TCP11L2: variants seen among roughly 807,000 people sequenced by gnomAD.
TCP11L2 encodes the protein t-complex 11 like 2.
A neutral mutation model predicts 50.7 loss-of-function variants in TCP11L2; 39 were observed. That is an observed-to-expected ratio of 0.77 (90% confidence interval 0.60 to 1.01). The LOEUF (loss-of-function observed/expected upper bound fraction) is 1.01, where lower values mean the gene tolerates loss of function less well. Among genes scored for constraint, TCP11L2 ranks in the 50% least tolerant of loss-of-function variants. TCP11L2 has a pLI of 0.00. For synonymous variants in TCP11L2, 192 were observed against 219.3 expected (o/e 0.88, Z 1.10); for missense variants, 612 against 614.7 (o/e 1.00, Z 0.05).
At chr12:106,319,759 C>T (rs1023095309) in intron 4 of TCP11L2, among the ~76,000 whole-genome samples, 1 of 152,232 alleles carries the variant, frequency 6.6e-6, no homozygotes, top group African/African-American at 2.4e-5. Context: ...TCTGACTCAT[C>T]CAGGGTCACA....
At chr12:106,320,621 C>T (rs1329604460) in intron 4 of TCP11L2, among the ~76,000 whole-genome samples, 1 of 152,174 alleles carries the variant, frequency 6.6e-6, no homozygotes, top group African/African-American at 2.4e-5. Context: ...AGTGGAATGG[C>T]ATCCTGTCCA....
chr12:106,322,081 G>T (rs1379769435), intron 5 of TCP11L2, among the ~76,000 whole-genome samples: 2 of 152,184 alleles, frequency 1.3e-5, no homozygotes, highest in Non-Finnish European at 2.9e-5. Context: ...ATTTAGTCAA[G>T]GCTTCTTTAT....
intron 4 of TCP11L2, among the ~76,000 whole-genome samples, chr12:106,319,250 A>T (rs1174383101): frequency 6.6e-6 from 1 of 152,032 alleles, no homozygotes; most frequent in Non-Finnish European, 1.5e-5. Flanking sequence ...ATTCATGTGG[A>T]CCTCACCCTT....
At chr12:106,303,793 A>G (rs1304411947) in intron 1 of TCP11L2, 2 of 152,212 alleles carry the variant, frequency 1.3e-5, no homozygotes, top group African/African-American at 4.8e-5. Context: ...GCAAAAATCT[A>G]GTCAAGATAG....
chr12:106,329,207 A>G, intron 6 of TCP11L2: 1 of 1,202,690 alleles, frequency 8.3e-7, no homozygotes, highest in Non-Finnish European at 1.2e-6. Context: ...TCTCGAGTGC[A>G]GGGACTGTGC....
upstream of TCP11L2, among the ~76,000 whole-genome samples, chr12:106,302,229 G>T (rs769375872): frequency 7.2e-5 from 11 of 152,084 alleles, no homozygotes; most frequent in African/African-American, 1.2e-4. Flanking sequence ...ACGCCAGTGC[G>T]CCTGGAAGCC....
chr12:106,330,962 G>A (rs1565855557), intron 6 of TCP11L2, among the ~76,000 whole-genome samples: 1 of 152,174 alleles, frequency 6.6e-6, no homozygotes, highest in Non-Finnish European at 1.5e-5. Context: ...ATGAATTCAA[G>A]TATAAAACCT....
chr12:106,342,662 T>A (rs2036123800), intron 9 of TCP11L2, among the ~76,000 whole-genome samples: 1 of 152,188 alleles, frequency 6.6e-6, no homozygotes, highest in African/African-American at 2.4e-5. Flanking sequence ...TAATAAATAT[T>A]TGTGAAATGG....
rs759354761 is a variant in TCP11L2, at chr12:106,311,039, A to C, written c.-35-2A>C. ...TGACGCAGGGTCTGTTTGTCTGTGC[A>C]GGTGCTACCTTTTTACCCACACTTA... On this transcript the variant is annotated splice_acceptor_variant, in intron 1 of 9. Coordinates refer to ENST00000299045, the MANE Select transcript of TCP11L2 (RefSeq NM_152772.3). LOFTEE classifies it low-confidence loss of function (5UTR_SPLICE). 3 of 1,608,952 alleles carry C rather than the reference A, an allele frequency of 1.9e-6. No homozygotes were observed. The highest frequency in any genetic ancestry group is 2.5e-6 in the Non-Finnish European group (3 of 1,177,086).
chr12:106,341,763 C>T lies in TCP11L2; in HGVS notation c.1315+765C>T, dbSNP rs547124677. Among the ~76,000 whole-genome samples the T allele has an allele frequency of 1.1e-3, 175 of 152,288 alleles. 1 individual carries two copies. Among genetic ancestry groups the T allele is most frequent in the Non-Finnish European group, 2.4e-3 (163 of 68,022 alleles). On this transcript the variant is annotated intron_variant, in intron 9 of 9. Coordinates refer to ENST00000299045, the MANE Select transcript of TCP11L2 (RefSeq NM_152772.3). Reference sequence around the variant, plus strand: ...GATGGCTTTAGCTCCAGCCTACAACCTTCCATATTTAAGTCCAGTGAAAAA... The same window carrying T: ...GATGGCTTTAGCTCCAGCCTACAACTTTCCATATTTAAGTCCAGTGAAAAA...
chr12:106,307,966 C>T (rs929413043), intron 1 of TCP11L2, among the ~76,000 whole-genome samples: 1 of 152,156 alleles, frequency 6.6e-6, no homozygotes, highest in Non-Finnish European at 1.5e-5. Context: ...TATGAGGAAA[C>T]AGACAAATTT....
Position 106,346,410 on chromosome 12 carries a change from T to C in TCP11L2, c.1440T>C (p.Tyr480=), listed in dbSNP as rs760139818. Residue 480 remains tyrosine (Y), a synonymous_variant, in exon 10 of 10, where the codon TAT becomes TAC. Transcript: ENST00000299045. ...QQELEALGSQ[Y]ANIVNLNKQV... Reference sequence around the variant, plus strand: ...AGCTAGAAGCCCTAGGCTCTCAATATGCAAACATTGTGAATCTCAACAAAC... The same window carrying C: ...AGCTAGAAGCCCTAGGCTCTCAATACGCAAACATTGTGAATCTCAACAAAC... 3.7e-6 allele frequency: 6 copies of C among 1,614,110 alleles called. No individual in the cohort carries two copies. In the African/African-American group the frequency reaches 8.0e-5, roughly 22 times the overall value.
At chr12:106,310,969 A>G in intron 1 of TCP11L2, 72 bp from the exon 2 acceptor site, 10 of 1,350,494 alleles carry the variant, frequency 7.4e-6, no homozygotes, top group Non-Finnish European at 9.2e-6. Flanking sequence ...AGTTGTCTAC[A>G]CTGGAAGAAG....
chr12:106,301,210 T>C (rs2279759), upstream of TCP11L2, among the ~76,000 whole-genome samples: 42,415 of 152,086 alleles, frequency 0.28, 5,883 homozygotes, highest in Admixed American at 0.31. Context: ...ACCTTCTATT[T>C]AATCTCTTAA....
chr12:106,313,113 A>G (rs1422806370), intron 2 of TCP11L2, among the ~76,000 whole-genome samples: 1 of 152,166 alleles, frequency 6.6e-6, no homozygotes, highest in African/African-American at 2.4e-5. Flanking sequence ...ACTTTTAATT[A>G]TGTAAATTTA....
At chr12:106,328,135 ATT>A (rs2035621535) in intron 6 of TCP11L2, among the ~76,000 whole-genome samples, 1 of 152,250 alleles carries the variant, frequency 6.6e-6, no homozygotes, top group Non-Finnish European at 1.5e-5. Context: ...TTGAAACTCT[ATT>A]GTGATTGCCT....
At chr12:106,334,386 A>G (rs545143456) in intron 6 of TCP11L2, among the ~76,000 whole-genome samples, 1 of 152,302 alleles carries the variant, frequency 6.6e-6, no homozygotes, top group African/African-American at 2.4e-5. Context: ...GCATTCATTC[A>G]GATGTCCAAG....
chr12:106,317,388 T>C (rs2250705), intron 3 of TCP11L2, among the ~76,000 whole-genome samples: 88,396 of 151,642 alleles, frequency 0.58, 26,163 homozygotes, highest in East Asian at 0.77. Flanking sequence ...TGGCAGTGCA[T>C]GCCTGTAATC....
chr12:106,334,405 C>T (rs755857917), intron 6 of TCP11L2, among the ~76,000 whole-genome samples: 4 of 152,130 alleles, frequency 2.6e-5, no homozygotes, highest in Non-Finnish European at 5.9e-5. Flanking sequence ...AGGTGCAAAT[C>T]TGGGAGTCAT....
Sources: allele counts gnomAD v4.1 joint callset (sites outside exome capture counted in the v4.1 genomes callset), GRCh38; gene constraint gnomAD v4.1.1; transcripts MANE v1.5; gene names NCBI Gene and HGNC (gene_info 2026-07-23, HGNC 2026-07-21).